The following TPTE variants were observed in gnomAD, a reference collection of about 807,000 sequenced individuals.
TPTE encodes the protein putative tyrosine-protein phosphatase TPTE.
A neutral mutation model predicts 84.1 loss-of-function variants in TPTE; 59 were observed. The observed-to-expected ratio is 0.70, with a 90% CI of 0.57 to 0.87. The LOEUF (loss-of-function observed/expected upper bound fraction) is 0.87. Among genes scored for constraint, TPTE ranks in the 40% least tolerant of loss-of-function variants. The probability of loss-of-function intolerance (pLI) is 0.00; values close to 1 mark genes in which losing one functional copy is unlikely to be tolerated. For synonymous variants in TPTE, 130 were observed against 223.5 expected (o/e 0.58, Z 3.73); for missense variants, 382 against 659.6 (o/e 0.58, Z 4.61).
intron 8 of TPTE, among the ~76,000 whole-genome samples, chr21:10,558,326 A>G (rs926949171): frequency 1.1e-4 from 16 of 152,302 alleles, no homozygotes; most frequent in Non-Finnish European, 1.6e-4. Context: ...AGGTATTGCC[A>G]TAGTACTTTT....
intron 23 of TPTE, 22 bp downstream of exon 23, chr21:10,603,654 A>G (rs371910704): frequency 9.0e-4 from 1,447 of 1,604,410 alleles, no homozygotes; most frequent in South Asian, 1.2e-3. Context: ...ATAGAAACCC[A>G]TAGAAACAGC....
At chr21:10,569,266 G>C (rs1246840744) in intron 11 of TPTE, among the ~76,000 whole-genome samples, 171 bp from the exon 12 acceptor site, 29 of 152,338 alleles carry the variant, frequency 1.9e-4, no homozygotes, top group Non-Finnish European at 2.1e-4. Flanking sequence ...ATGCACGCAC[G>C]CCAGTGGTGA....
intron 21 of TPTE, among the ~76,000 whole-genome samples, chr21:10,600,140 C>CTTTTTTTTT (rs71217979): frequency 4.2e-5 from 6 of 142,458 alleles, no homozygotes; most frequent in East Asian, 2.0e-4. Context: ...TTTTCTTTTT[C>CTTTTTTTTT]TTTTTTTTTT....
chr21:10,551,188 A>T (rs948680179), intron 7 of TPTE, among the ~76,000 whole-genome samples: 1 of 152,310 alleles, frequency 6.6e-6, no homozygotes, highest in Admixed American at 6.5e-5. Context: ...TCGCAAGGAC[A>T]AAACACCAAA....
chr21:10,563,355 G>C (rs1194077063), intron 10 of TPTE, among the ~76,000 whole-genome samples: 1 of 152,312 alleles, frequency 6.6e-6, no homozygotes, highest in Non-Finnish European at 1.5e-5. Flanking sequence ...GAAAAATGCA[G>C]AATGTCATAA....
chr21:10,580,376 A>C (rs2075250669), intron 17 of TPTE, among the ~76,000 whole-genome samples: 1 of 152,312 alleles, frequency 6.6e-6, no homozygotes, highest in Non-Finnish European at 1.5e-5. Flanking sequence ...TCATTTGTCT[A>C]CTTTTTCTTT....
chr21:10,526,155 G>C (rs1313573200), intron 2 of TPTE, among the ~76,000 whole-genome samples: 40 of 152,406 alleles, frequency 2.6e-4, no homozygotes, highest in African/African-American at 8.4e-4. Context: ...TTTTGTAAAA[G>C]GTTATTGTTT....
chr21:10,539,168 G>C (rs546894096), intron 4 of TPTE, among the ~76,000 whole-genome samples: 411 of 152,298 alleles, frequency 2.7e-3, no homozygotes, highest in Non-Finnish European at 4.1e-3. Context: ...GAGCCTACCA[G>C]ATTGACAGAA....
intron 3 of TPTE, among the ~76,000 whole-genome samples, chr21:10,534,388 A>G (rs1487365137): frequency 2.6e-5 from 4 of 152,304 alleles, no homozygotes; most frequent in Admixed American, 6.5e-5. Context: ...GTTATTGTCT[A>G]TGGAGACAGG....
chr21:10,536,880 C>T lies in TPTE; in HGVS notation c.-43-1801C>T, dbSNP rs1255775971. On this transcript the variant is annotated intron_variant, in intron 3 of 23. Transcript: ENST00000618007. ...TAGAGTGGACCAAGGGAAGAAAACC[C>T]TATGCAGAGCAACAAGCGAGTAGCA... Among the ~76,000 whole-genome samples the T allele has an allele frequency of 4.6e-5, 7 of 152,430 alleles. No individual in the cohort carries two copies. In the East Asian group the frequency reaches 1.3e-3, roughly 29 times the overall value.
intron 2 of TPTE, among the ~76,000 whole-genome samples, chr21:10,527,148 C>CTCTCTT (rs1219671666): frequency 1.3e-5 from 2 of 151,622 alleles, no homozygotes; most frequent in African/African-American, 4.9e-5. Flanking sequence ...CTCTCTCTCT[C>CTCTCTT]TCTCTCTCTC....
At chr21:10,546,121 T>C (rs1272229720) in intron 7 of TPTE, among the ~76,000 whole-genome samples, 1 of 152,308 alleles carries the variant, frequency 6.6e-6, no homozygotes, top group East Asian at 1.9e-4. Flanking sequence ...TCTCCTGGTT[T>C]TATTTTTCCA....
At chr21:10,604,784 G>C (rs1225033495) in intron 23 of TPTE, among the ~76,000 whole-genome samples, 1 of 152,304 alleles carries the variant, frequency 6.6e-6, no homozygotes, top group East Asian at 1.9e-4. Context: ...TTGGAGAAGT[G>C]ATAAGCTAGG....
intron 2 of TPTE, 109 bp from the exon 3 acceptor site, chr21:10,527,246 T>C (rs1313869969): frequency 4.6e-5 from 7 of 152,864 alleles, no homozygotes; most frequent in African/African-American, 1.7e-4. Flanking sequence ...TTGTCAAAAT[T>C]CCTCCGATTT....
At chr21:10,576,651 T>C (rs1453910810) in intron 14 of TPTE, 1 of 152,434 alleles carries the variant, frequency 6.6e-6, no homozygotes, top group South Asian at 2.1e-4. Context: ...AACATTGCTC[T>C]GAGGGTACCA....
chr21:10,597,602 A>T (rs1284103491), intron 20 of TPTE, among the ~76,000 whole-genome samples: 4 of 152,302 alleles, frequency 2.6e-5, no homozygotes, highest in African/African-American at 9.6e-5. Context: ...TTTAGTAGAG[A>T]TGGGGTTTCA....
intron 3 of TPTE, among the ~76,000 whole-genome samples, chr21:10,535,977 A>T (rs191320645): frequency 6.6e-6 from 1 of 151,682 alleles, no homozygotes; most frequent in Non-Finnish European, 1.5e-5. Context: ...CTGCAGTTAC[A>T]TTAGAAATAA....
intron 17 of TPTE, among the ~76,000 whole-genome samples, chr21:10,586,419 A>G (rs1600958397): frequency 6.6e-6 from 1 of 152,418 alleles, no homozygotes. Context: ...GTGGACACAG[A>G]ACATACTATG....
chr21:10,535,161 A>T (rs554762424), intron 3 of TPTE, among the ~76,000 whole-genome samples: 3 of 152,426 alleles, frequency 2.0e-5, no homozygotes, highest in African/African-American at 7.2e-5. Context: ...ATTTGACCAA[A>T]AGTGTAAGTC....
Sources: gnomAD v4.1 joint callset for allele counts (sites outside exome capture counted in the v4.1 genomes callset) on GRCh38, gnomAD v4.1.1 for gene constraint, MANE v1.5 for transcripts, NCBI Gene and HGNC (gene_info 2026-07-23, HGNC 2026-07-21) for gene names.